Variants in CDH13 observed in about 807,000 individuals in gnomAD.
The protein encoded by CDH13 is cadherin 13.
Under a neutral mutation model 63.8 loss-of-function variants are expected in CDH13, and 24 were observed. That is an observed-to-expected ratio of 0.38 (90% CI 0.27 to 0.53). The LOEUF (loss-of-function observed/expected upper bound fraction) is 0.53. Among genes scored for constraint, CDH13 ranks in the 20% least tolerant of loss-of-function variants. The pLI, the probability that CDH13 is intolerant of heterozygous loss-of-function variation, is 0.85. For synonymous variants in CDH13, 503 were observed against 355.3 expected (o/e 1.42, Z -4.67); for missense variants, 1,049 against 903.1 (o/e 1.16, Z -2.07).
chr16:82,938,083 G>A (rs970558896), intron 2 of CDH13, among the ~76,000 whole-genome samples: 1 of 152,118 alleles, frequency 6.6e-6, no homozygotes, highest in East Asian at 1.9e-4. Context: ...GCAACAACAC[G>A]CCAAAAAACG....
chr16:83,208,818 C>T (rs750340234), intron 4 of CDH13, among the ~76,000 whole-genome samples: 12 of 152,098 alleles, frequency 7.9e-5, no homozygotes, highest in African/African-American at 1.2e-4. Context: ...GAAAACTAGG[C>T]GCATCAATCT....
At chr16:82,950,995 C>T (rs1304981091) in intron 2 of CDH13, among the ~76,000 whole-genome samples, 2 of 152,154 alleles carry the variant, frequency 1.3e-5, no homozygotes, top group Non-Finnish European at 2.9e-5. Flanking sequence ...TGTTGCGCAT[C>T]ACCATATTTC....
At chr16:83,681,711 T>C (rs966944104) in intron 10 of CDH13, among the ~76,000 whole-genome samples, 2 of 152,162 alleles carry the variant, frequency 1.3e-5, no homozygotes, top group African/African-American at 4.8e-5. Context: ...GCTCATTAAT[T>C]ATTTGCAGCC....
At chr16:83,625,513 C>A (rs1369410842) in intron 8 of CDH13, among the ~76,000 whole-genome samples, 1 of 152,208 alleles carries the variant, frequency 6.6e-6, no homozygotes, top group African/African-American at 2.4e-5. Flanking sequence ...TACCTGCTTT[C>A]CCCATGACAG....
At chr16:82,853,578 G>A (rs988772467) in intron 1 of CDH13, among the ~76,000 whole-genome samples, 2 of 152,206 alleles carry the variant, frequency 1.3e-5, no homozygotes, top group African/African-American at 2.4e-5. Context: ...AGGATAGCCC[G>A]CTGGTAAACG....
intron 6 of CDH13, among the ~76,000 whole-genome samples, chr16:83,404,160 G>C (rs1401987336): frequency 1.3e-5 from 2 of 152,218 alleles, no homozygotes; most frequent in Non-Finnish European, 2.9e-5. Flanking sequence ...TGCTTAAAGA[G>C]TCAAATACAA....
intron 2 of CDH13, among the ~76,000 whole-genome samples, chr16:83,020,494 C>G (rs983897516): frequency 6.6e-6 from 1 of 152,200 alleles, no homozygotes; most frequent in African/African-American, 2.4e-5. Context: ...TCTACCAGAA[C>G]AAAGCCAAGC....
chr16:83,055,454 G>C (rs1309889385), intron 3 of CDH13, among the ~76,000 whole-genome samples: 3 of 150,620 alleles, frequency 2.0e-5, no homozygotes, highest in Non-Finnish European at 4.4e-5. Flanking sequence ...TCAAGAATAA[G>C]AAAAAAGAAG....
chr16:83,393,895 A>T (rs566277498), intron 6 of CDH13, among the ~76,000 whole-genome samples: 1 of 152,322 alleles, frequency 6.6e-6, no homozygotes, highest in Non-Finnish European at 1.5e-5. Context: ...CATGAAGAGG[A>T]ACATAGAATA....
At position 82,889,387 on chromosome 16, in the gene CDH13, TC is replaced by T. The variant is rs1489828940; in HGVS notation, c.157+30915del. Among the ~76,000 whole-genome samples the T allele has an allele frequency of 4.0e-4, 61 of 152,282 alleles. 2 individuals are homozygous for T. The highest frequency in any genetic ancestry group is 4.1e-4 in the South Asian group (2 of 4,822). On this transcript the variant is annotated intron_variant, in intron 2 of 13. Transcript: ENST00000567109. ...AATCTATCTATAATCTATTAGTTTT[TC>T]TTGCTTCACAAATGACTTAAGGCAA...
intron 1 of CDH13, among the ~76,000 whole-genome samples, chr16:82,756,492 G>GT (rs1253795340): frequency 2.6e-5 from 4 of 152,124 alleles, no homozygotes; most frequent in African/African-American, 7.2e-5. Flanking sequence ...CTAGCTGTTA[G>GT]TATAGCAGTT....
intron 2 of CDH13, among the ~76,000 whole-genome samples, chr16:82,977,483 C>A (rs568737887): frequency 2.6e-5 from 4 of 152,112 alleles, no homozygotes; most frequent in African/African-American, 9.7e-5. Flanking sequence ...TGAGTTCTCA[C>A]GAGATGTGAT....
At chr16:83,395,262 C>T (rs1303365088) in intron 6 of CDH13, among the ~76,000 whole-genome samples, 1 of 150,906 alleles carries the variant, frequency 6.6e-6, no homozygotes, top group Non-Finnish European at 1.5e-5. Flanking sequence ...TGCAGTGAGC[C>T]AAGACTGTGC....
intron 4 of CDH13, among the ~76,000 whole-genome samples, chr16:83,191,458 AATATATATAT>A (rs57044100): frequency 0.012 from 998 of 80,570 alleles, 7 homozygotes; most frequent in Non-Finnish European, 0.02. Context: ...ACTAATAGGA[AATATATATAT>A]ATATATATAT....
intron 2 of CDH13, among the ~76,000 whole-genome samples, chr16:82,949,205 C>T (rs1344708274): frequency 6.6e-6 from 1 of 152,164 alleles, no homozygotes; most frequent in Non-Finnish European, 1.5e-5. Context: ...GGCCACACTA[C>T]TTTCAGAGTG....
At chr16:83,718,955 A>G (rs1909310598) in intron 10 of CDH13, among the ~76,000 whole-genome samples, 1 of 152,164 alleles carries the variant, frequency 6.6e-6, no homozygotes. Flanking sequence ...TGCTGCATAG[A>G]TGAGCAAAGG....
intron 1 of CDH13, among the ~76,000 whole-genome samples, chr16:82,745,354 T>C (rs933451330): frequency 6.6e-6 from 1 of 152,220 alleles, no homozygotes. Flanking sequence ...AACATGATTT[T>C]TCTCCATTAA....
At chr16:82,767,738 G>A (rs187738047) in intron 1 of CDH13, among the ~76,000 whole-genome samples, 8 of 152,280 alleles carry the variant, frequency 5.3e-5, no homozygotes, top group African/African-American at 1.9e-4. Context: ...GTTTCTGCCT[G>A]AGCTCTCTCT....
chr16:83,749,274 G>T (rs968261086), intron 11 of CDH13, among the ~76,000 whole-genome samples: 1 of 152,038 alleles, frequency 6.6e-6, no homozygotes, highest in Non-Finnish European at 1.5e-5. Context: ...TCGTATGCCG[G>T]CTACTCACAC....
Sources: gnomAD v4.1 joint callset for allele counts (sites outside exome capture counted in the v4.1 genomes callset) on GRCh38, gnomAD v4.1.1 for gene constraint, MANE v1.5 for transcripts, NCBI Gene and HGNC (gene_info 2026-07-23, HGNC 2026-07-21) for gene names.